Variants in SPTA1 observed in about 807,000 individuals in gnomAD.
The protein encoded by SPTA1 is spectrin alpha chain, erythrocytic 1.
Under a neutral mutation model 324.7 loss-of-function variants are expected in SPTA1, and 177 were observed. That is an observed-to-expected ratio of 0.55 (90% confidence interval 0.48 to 0.62). The LOEUF (loss-of-function observed/expected upper bound fraction) is 0.62, where lower values mean the gene tolerates loss of function less well. Among genes scored for constraint, SPTA1 ranks in the 20% least tolerant of loss-of-function variants. The probability of loss-of-function intolerance (pLI) is 0.00; values close to 1 mark genes in which losing one functional copy is unlikely to be tolerated. For missense variants in SPTA1, 3,162 were observed against 2,883.6 expected (o/e 1.10, Z -2.21); for synonymous variants, 1,195 against 1,041.3 (o/e 1.15, Z -2.84).
intron 1 of SPTA1, among the ~76,000 whole-genome samples, chr1:158,686,082 G>T (rs1415941021): frequency 6.6e-6 from 1 of 152,188 alleles, no homozygotes; most frequent in Non-Finnish European, 1.5e-5. Flanking sequence ...TCTGGATATG[G>T]ATACCATTTT....
At chr1:158,656,686 T>G (rs912049019) in intron 19 of SPTA1, 30 bp from the exon 20 acceptor site, 2 of 1,571,516 alleles carry the variant, frequency 1.3e-6, no homozygotes, top group Non-Finnish European at 1.8e-6. Flanking sequence ...ATCATCAGAA[T>G]GAATATAGGA....
At chr1:158,659,595 A>ATTATTATTATTTTTTTTTTTTTTTTTTT (rs1345384278) in intron 18 of SPTA1, among the ~76,000 whole-genome samples, 1 of 68,716 alleles carries the variant, frequency 1.5e-5, no homozygotes, top group Non-Finnish European at 3.3e-5. Flanking sequence ...TCTTAGCATT[A>ATTATTATTATTTTTTTTTTTTTTTTTTT]TTTTTTTTTT....
chr1:158,613,893 A>T (rs1426852788), intron 49 of SPTA1, 26 bp from the exon 50 acceptor site: 23 of 1,609,260 alleles, frequency 1.4e-5, no homozygotes, highest in Non-Finnish European at 1.8e-5. Flanking sequence ...AGAAAAAAAA[A>T]TTTATCAAGC....
intron 40 of SPTA1, 29 bp from the exon 41 acceptor site, chr1:158,627,036 T>A: frequency 6.2e-7 from 1 of 1,612,906 alleles, no homozygotes. Flanking sequence ...CAAATATATT[T>A]ATAATGTGCA....
rs766248335 is a variant in SPTA1, at chr1:158,618,063, A to G, written c.6531-7T>C. On this transcript the variant is annotated splice_region_variant and splice_polypyrimidine_tract_variant and intron_variant, in intron 45 of 51. Coordinates refer to ENST00000643759, the MANE Select transcript of SPTA1 (RefSeq NM_003126.4). ...CCCATCCAGAAAGTAAGCCCTGGACATGGAGGTCCGGAACAGGAATCACAT... is the reference window on the plus strand; with the variant it reads ...CCCATCCAGAAAGTAAGCCCTGGACGTGGAGGTCCGGAACAGGAATCACAT... 2 of 1,611,568 alleles carry G rather than the reference A, an allele frequency of 1.2e-6. No homozygotes were observed. Among genetic ancestry groups the G allele is most frequent in the African/African-American group, 1.3e-5 (1 of 74,892 alleles).
chr1:158,671,294 T>A (rs1419385275), intron 12 of SPTA1, 49 bp downstream of exon 12: 2 of 1,366,820 alleles, frequency 1.5e-6, no homozygotes, highest in Non-Finnish European at 2.1e-6. Context: ...TGTGTAAAAT[T>A]ATGTATACAG....
At chr1:158,615,175 C>T (rs1649477912) in intron 48 of SPTA1, 41 bp downstream of exon 48, 1 of 1,611,146 alleles carries the variant, frequency 6.2e-7, no homozygotes, top group Non-Finnish European at 8.5e-7. Context: ...CACCTAACAC[C>T]ACCTGCATCC....
chr1:158,623,661 T>C (rs1571386495), intron 42 of SPTA1, among the ~76,000 whole-genome samples: 1 of 152,208 alleles, frequency 6.6e-6, no homozygotes, highest in African/African-American at 2.4e-5. Context: ...TGTTTCCCCT[T>C]CCGCCATGAT....
intron 16 of SPTA1, 26 bp downstream of exon 16, chr1:158,666,290 G>C (rs760764848): frequency 1.9e-6 from 3 of 1,611,768 alleles, no homozygotes; most frequent in Non-Finnish European, 2.5e-6. Context: ...CATTGCTTAT[G>C]GCTGGCCAAA....
chr1:158,664,875 A>G (rs1428291890), intron 16 of SPTA1, among the ~76,000 whole-genome samples: 1 of 152,190 alleles, frequency 6.6e-6, no homozygotes, highest in African/African-American at 2.4e-5. Flanking sequence ...GGGAGAGAGG[A>G]TATCTGGCTC....
Position 158,626,858 on chromosome 1 carries a change from A to G in SPTA1, c.5814T>C (p.Asp1938=), listed in dbSNP as rs1650308233. Residue 1938 remains aspartate, a synonymous_variant, in exon 41 of 52, where the codon GAT becomes GAC. Coordinates refer to ENST00000643759, the MANE Select transcript of SPTA1 (RefSeq NM_003126.4). The part of the protein sequence containing the change: ...YAFQEFNWKA[D]VVEAWIADKE... ...TCATACCTATCCAAGCCTCTACCACATCAGCCTTCCAGTTGAATTCCTGAA... is the reference window on the plus strand; with the variant it reads ...TCATACCTATCCAAGCCTCTACCACGTCAGCCTTCCAGTTGAATTCCTGAA... The G allele has an allele frequency of 6.2e-7, 1 of 1,613,794 alleles. No individual in the cohort carries two copies. The highest frequency in any genetic ancestry group is 1.3e-5 in the African/African-American group (1 of 75,040).
chr1:158,611,226 G>C lies in SPTA1; in HGVS notation c.*38C>G, dbSNP rs757763322. 3 of 1,606,884 alleles carry C rather than the reference G, an allele frequency of 1.9e-6. No homozygotes were observed. The highest frequency in any genetic ancestry group is 1.3e-5 in the African/African-American group (1 of 74,314). ...CTTTGCCCCCCAGTAAATTTCCCAC[G>C]ACACTAAGATTTTCTACGATCCACG... On this transcript the variant is annotated 3_prime_UTR_variant, in exon 52 of 52. Coordinates refer to ENST00000643759, the MANE Select transcript of SPTA1 (RefSeq NM_003126.4).
In SPTA1 at chr1:158,623,124, G is replaced by C. The variant is rs192628102; in HGVS notation, c.5979C>G (p.Asp1993Glu). 2 of 1,614,010 alleles carry C rather than the reference G, an allele frequency of 1.2e-6. No individual in the cohort carries two copies. The highest frequency in any genetic ancestry group is 1.7e-6 in the Non-Finnish European group (2 of 1,180,042). The stretch of plus-strand genomic sequence containing the variant: ...GGTTGTGTTGAGCAGAAATCAGTTT[G>C]TCCTTCAGGTCAGTGATCTCGGGAA... Reference protein sequence around the residue: ...ERLPEITDLKDKLISAQHNQS... With the variant: ...ERLPEITDLKEKLISAQHNQS... The change falls in exon 43 of 52, where the codon GAC becomes GAG. Residue 1993 changes from aspartate to glutamate, a missense_variant. Asp to Glu is a conservative substitution (Grantham distance 45). Transcript: ENST00000643759.
chr1:158,630,375 C>T (rs1235816632), intron 39 of SPTA1, among the ~76,000 whole-genome samples: 2 of 151,852 alleles, frequency 1.3e-5, no homozygotes, highest in Non-Finnish European at 2.9e-5. Flanking sequence ...GACAAGGGTG[C>T]CAAAAATATA....
At chr1:158,656,730 G>T in intron 19 of SPTA1, 74 bp from the exon 20 acceptor site, 2 of 1,394,448 alleles carry the variant, frequency 1.4e-6, no homozygotes, top group Non-Finnish European at 2.0e-6. Flanking sequence ...ATTATTTTGG[G>T]TTATGCTATT....
At chr1:158,613,961 C>T (rs561972156) in intron 49 of SPTA1, 94 bp from the exon 50 acceptor site, 3 of 1,380,574 alleles carry the variant, frequency 2.2e-6, no homozygotes, top group East Asian at 2.5e-5. Context: ...TCAGCTGAAG[C>T]TTTATTGACC....
intron 8 of SPTA1, 129 bp downstream of exon 8, chr1:158,676,012 G>A (rs1654366490): frequency 8.3e-7 from 1 of 1,204,502 alleles, no homozygotes; most frequent in African/African-American, 1.5e-5. Flanking sequence ...TAAATATTTT[G>A]TCTCTACTGA....
At chr1:158,633,872 T>C (rs577643643) in intron 39 of SPTA1, among the ~76,000 whole-genome samples, 37 of 152,260 alleles carry the variant, frequency 2.4e-4, no homozygotes, top group Admixed American at 5.9e-4. Flanking sequence ...TCTAAGCCTT[T>C]CCTTATGTCA....
chr1:158,667,245 T>C (rs1000580778), intron 15 of SPTA1, among the ~76,000 whole-genome samples: 2 of 152,184 alleles, frequency 1.3e-5, no homozygotes, highest in African/African-American at 4.8e-5. Context: ...AAGGGGCACA[T>C]GAATAGAAAA....
Sources: gnomAD v4.1 joint callset for allele counts (sites outside exome capture counted in the v4.1 genomes callset) on GRCh38, gnomAD v4.1.1 for gene constraint, MANE v1.5 for transcripts, NCBI Gene and HGNC (gene_info 2026-07-23, HGNC 2026-07-21) for gene names.